ARID1B: variants seen among roughly 807,000 people sequenced by gnomAD.
ARID1B encodes AT-rich interactive domain-containing protein 1B.
Under a neutral mutation model 212.3 loss-of-function variants are expected in ARID1B, and 30 were observed. The ratio of observed to expected loss-of-function variants is 0.14; its 90% confidence interval spans 0.11 to 0.19. The LOEUF (loss-of-function observed/expected upper bound fraction) is 0.19. Ranked by LOEUF, ARID1B falls within the 10% of genes least tolerant of loss-of-function variation. ARID1B has a pLI of 1.00. For missense variants in ARID1B, 2,891 were observed against 3,204.0 expected (o/e 0.90, Z 2.36); for synonymous variants, 1,402 against 1,301.7 (o/e 1.08, Z -1.66).
intron 3 of ARID1B, among the ~76,000 whole-genome samples, chr6:156,913,220 T>TC (rs1331739183): frequency 1.4e-5 from 2 of 145,304 alleles, no homozygotes; most frequent in Non-Finnish European, 3.0e-5. Context: ...TCTTTTTCTT[T>TC]TTTTTTTTTT....
rs533160153 is a variant in ARID1B at position 156,865,967 on chromosome 6, G to A, written c.1987-35409G>A. ...CTTGTCGTCTAACTTGCCCTTTTCT[G>A]TTTGTTTTGGTCCCTATTTTTATGT... On this transcript the variant is annotated intron_variant, in intron 2 of 19. Coordinates refer to ENST00000636930, the MANE Select transcript of ARID1B (RefSeq NM_001374828.1). Among the ~76,000 whole-genome samples, 6 of 152,138 alleles carry A rather than the reference G, an allele frequency of 3.9e-5. No individual in the cohort carries two copies. In the South Asian group the frequency reaches 1.2e-3, roughly 32 times the overall value.
intron 6 of ARID1B, among the ~76,000 whole-genome samples, chr6:157,122,380 C>A (rs12197272): frequency 0.093 from 14,185 of 152,236 alleles, 719 homozygotes; most frequent in Non-Finnish European, 0.11. Context: ...AAAATGCAGA[C>A]TGAATGACTC....
At position 156,853,953 on chromosome 6, in the gene ARID1B, G is replaced by C. The variant is rs540784015; in HGVS notation, c.1986+24532G>C. The stretch of plus-strand genomic sequence containing the variant: ...TCACTATGTTGCCCAGTCTGGTCTC[G>C]AACTCCTGGGCTCCAGTGATCCCCC... On this transcript the variant is annotated intron_variant, in intron 2 of 19. Transcript: ENST00000636930. 5.3e-5 allele frequency among the ~76,000 whole-genome samples: 8 copies of C among 152,164 alleles called. No homozygotes were observed. The South Asian group carries it at 1.5e-3, about 28-fold the overall frequency.
intron 4 of ARID1B, among the ~76,000 whole-genome samples, chr6:157,053,647 G>A (rs1262106114): frequency 6.6e-6 from 1 of 152,174 alleles, no homozygotes; most frequent in African/African-American, 2.4e-5. Context: ...AAGGACCTTA[G>A]TTTGAGTGGG....
intron 1 of ARID1B, 171 bp downstream of exon 1, chr6:156,779,642 C>G (rs1779061251): frequency 3.5e-6 from 2 of 572,890 alleles, no homozygotes; most frequent in South Asian, 8.0e-5. Flanking sequence ...TCGGGGCGCC[C>G]CGGGGGCCGG....
intron 4 of ARID1B, among the ~76,000 whole-genome samples, chr6:157,074,987 G>A (rs1043331720): frequency 6.6e-6 from 1 of 152,130 alleles, no homozygotes; most frequent in Admixed American, 6.5e-5. Flanking sequence ...ATTGGCATTG[G>A]AAGTTTCTTT....
At chr6:156,968,210 C>T (rs112700528) in intron 4 of ARID1B, among the ~76,000 whole-genome samples, 6 of 152,052 alleles carry the variant, frequency 3.9e-5, no homozygotes, top group Admixed American at 1.3e-4. Context: ...TGTTTGGTAG[C>T]CAGCATTTTA....
intron 3 of ARID1B, chr6:156,902,211 A>G (rs1276983507): frequency 6.6e-6 from 1 of 152,208 alleles, no homozygotes; most frequent in Non-Finnish European, 1.5e-5. Context: ...TGTTTTAGAG[A>G]CTGTCACTCA....
At position 157,190,322 on chromosome 6, in the gene ARID1B, G is replaced by C. The variant is rs1793271518; in HGVS notation, c.4231+112G>C. 12 of 1,307,826 alleles carry C rather than the reference G, an allele frequency of 9.2e-6. No homozygotes were observed. The highest frequency in any genetic ancestry group is 1.1e-5 in the Non-Finnish European group (11 of 978,074). 81.0% of individuals were successfully genotyped at this position (1,307,826 alleles called of 1,614,324 possible). On this transcript the variant is annotated intron_variant, in intron 15 of 19. Transcript: ENST00000636930. This position sits in a 1 kb window ranked among gnomAD's most constrained non-coding sequence, Gnocchi z 4.6. Reference sequence around the variant, plus strand: ...ACACCTCTGAGCCCATGCTGCATCGGTGTGGGTCCCAGGTCCCCATCCTAC... The same window carrying C: ...ACACCTCTGAGCCCATGCTGCATCGCTGTGGGTCCCAGGTCCCCATCCTAC...
At position 157,203,957 on chromosome 6, in the gene ARID1B, G is replaced by A. The variant is rs753890440; in HGVS notation, c.5355G>A (p.Leu1785=). Residue 1785 remains leucine (L), a synonymous_variant, in exon 19 of 20, where the codon CTG becomes CTA. Transcript: ENST00000636930. The surrounding 1 kb of genome is among the most constrained non-coding windows in gnomAD (Gnocchi z 4.4). ...CTTTGGACACTATTAATATTCTTCT[G>A]TATGATGACAGCACTGTTGCTACTT... ...TWALDTINIL[L]YDDSTVATFN... 1 of 1,614,130 alleles carries A rather than the reference G, an allele frequency of 6.2e-7. No individual in the cohort carries two copies. The highest frequency in any genetic ancestry group is 8.5e-7 in the Non-Finnish European group (1 of 1,180,008).
At position 156,783,829 on chromosome 6, in the gene ARID1B, A is replaced by G. The variant is rs190173016; in HGVS notation, c.1791+4358A>G. On this transcript the variant is annotated intron_variant, in intron 1 of 19. Transcript: ENST00000636930. ...TCTTGCAGCTCTACACTGGACTGAC[A>G]CTGCTCAGCTCATGGGGTTGTGTGC... Among the ~76,000 whole-genome samples the G allele has an allele frequency of 8.5e-5, 13 of 152,280 alleles. 1 individual carries two copies. In the East Asian group the frequency reaches 2.5e-3, roughly 29 times the overall value.
intron 4 of ARID1B, among the ~76,000 whole-genome samples, chr6:157,080,034 A>G (rs1784545802): frequency 6.6e-6 from 1 of 152,194 alleles, no homozygotes; most frequent in African/African-American, 2.4e-5. Flanking sequence ...ACTGTATCCT[A>G]TTAAAATCCT....
At chr6:156,821,448 G>A (rs780947655) in intron 1 of ARID1B, among the ~76,000 whole-genome samples, 16 of 152,202 alleles carry the variant, frequency 1.1e-4, no homozygotes, top group Non-Finnish European at 1.8e-4. Flanking sequence ...TCTGCCAAAG[G>A]ACCAAAGTAA....
At chr6:156,881,908 A>G (rs1259818581) in intron 2 of ARID1B, among the ~76,000 whole-genome samples, 1 of 152,218 alleles carries the variant, frequency 6.6e-6, no homozygotes, top group Non-Finnish European at 1.5e-5. Context: ...CACAGTTGAT[A>G]TTTGAGAACT....
chr6:156,905,250 G>GCGCACACACACACACACA (rs1554265935), intron 3 of ARID1B, among the ~76,000 whole-genome samples: 4,006 of 143,774 alleles, frequency 0.028, 69 homozygotes, highest in Non-Finnish European at 0.04. Context: ...ACATATGCAC[G>GCGCACACACACACACACA]CACACACACA....
At chr6:157,087,898 A>G (rs1785053733) in intron 5 of ARID1B, among the ~76,000 whole-genome samples, 2 of 152,246 alleles carry the variant, frequency 1.3e-5, no homozygotes, top group Non-Finnish European at 2.9e-5. Context: ...TACCCCAGAG[A>G]TTAACAGAAT....
At chr6:157,195,624 A>T (rs1301314666) in intron 15 of ARID1B, 1 of 156,582 alleles carries the variant, frequency 6.4e-6, no homozygotes, top group African/African-American at 2.4e-5. Flanking sequence ...TCCCACCCAC[A>T]CTGAAGGGGA....
chr6:157,036,959 T>C (rs1781370612), intron 4 of ARID1B: 1 of 304,796 alleles, frequency 3.3e-6, no homozygotes, highest in Middle Eastern at 4.0e-4. Flanking sequence ...AGGGGACTTA[T>C]TTTTTTTTTA....
At chr6:156,961,399 TG>T (rs1794364457) in intron 4 of ARID1B, among the ~76,000 whole-genome samples, 2 of 152,076 alleles carry the variant, frequency 1.3e-5, no homozygotes, top group African/African-American at 4.8e-5. Flanking sequence ...GTTAAGGAGG[TG>T]GGGAAATGCC....
Sources: gnomAD v4.1 joint callset for allele counts (sites outside exome capture counted in the v4.1 genomes callset) on GRCh38, gnomAD v4.1.1 for gene constraint, Gnocchi (gnomAD v3.1) non-coding constraint, MANE v1.5 for transcripts, NCBI Gene and HGNC (gene_info 2026-07-23, HGNC 2026-07-21) for gene names.